AGBL4: variants seen among roughly 807,000 people sequenced by gnomAD.
The protein encoded by AGBL4 is AGBL carboxypeptidase 4.
A neutral mutation model predicts 66.4 loss-of-function variants in AGBL4; 58 were observed. That is an observed-to-expected ratio of 0.87 (90% CI 0.71 to 1.09). AGBL4 has a LOEUF of 1.09. Among genes scored for constraint, AGBL4 ranks in the 50% least tolerant of loss-of-function variants. The pLI is 0.00. For synonymous variants in AGBL4, 234 were observed against 222.9 expected (o/e 1.05, Z -0.44); for missense variants, 579 against 631.0 (o/e 0.92, Z 0.88).
At chr1:48,844,964 A>G (rs181569458) in intron 6 of AGBL4, among the ~76,000 whole-genome samples, 9 of 152,338 alleles carry the variant, frequency 5.9e-5, no homozygotes, top group Non-Finnish European at 7.3e-5. Flanking sequence ...ATCTCATGGT[A>G]AACAAACATA....
chr1:49,284,584 G>C (rs892251485), intron 3 of AGBL4, among the ~76,000 whole-genome samples: 5 of 152,186 alleles, frequency 3.3e-5, no homozygotes, highest in Non-Finnish European at 7.3e-5. Context: ...TGGCAAATTG[G>C]ATAAAGACTC....
chr1:49,776,471 C>T (rs1644200143), intron 2 of AGBL4, among the ~76,000 whole-genome samples: 1 of 152,056 alleles, frequency 6.6e-6, no homozygotes, highest in Admixed American at 6.5e-5. Flanking sequence ...TTCAGAGGCC[C>T]TTATATGATG....
At chr1:50,002,620 C>T (rs541345913) in intron 1 of AGBL4, among the ~76,000 whole-genome samples, 72 of 152,070 alleles carry the variant, frequency 4.7e-4, no homozygotes, top group African/African-American at 1.5e-3. Flanking sequence ...CCGCCCGCCT[C>T]GGCCTCCCAA....
chr1:49,645,972 C>T (rs995458752), intron 3 of AGBL4, among the ~76,000 whole-genome samples: 1 of 151,396 alleles, frequency 6.6e-6, no homozygotes, highest in Non-Finnish European at 1.5e-5. Context: ...CCATATCCAA[C>T]ATCAGTTCCT....
chr1:49,469,204 T>TA (rs1646690922), intron 3 of AGBL4, among the ~76,000 whole-genome samples: 1 of 151,928 alleles, frequency 6.6e-6, no homozygotes, highest in Non-Finnish European at 1.5e-5. Flanking sequence ...TATTGCCTAT[T>TA]TTATTGTTAA....
intron 6 of AGBL4, among the ~76,000 whole-genome samples, chr1:48,844,889 CTG>C (rs1320755594): frequency 1.3e-5 from 2 of 152,204 alleles, no homozygotes; most frequent in Non-Finnish European, 2.9e-5. Context: ...ATTTCAAGTC[CTG>C]TCCCTGCTTA....
At chr1:49,185,287 G>A (rs1646996015) in intron 4 of AGBL4, among the ~76,000 whole-genome samples, 1 of 152,210 alleles carries the variant, frequency 6.6e-6, no homozygotes, top group Non-Finnish European at 1.5e-5. Flanking sequence ...ATAGATGGCA[G>A]AAATGCCTTG....
chr1:49,101,188 C>CT lies in AGBL4; in HGVS notation c.378-55389dup, dbSNP rs921139596. Among the ~76,000 whole-genome samples the CT allele has an allele frequency of 7.4e-4, 106 of 143,962 alleles. 2 individuals are homozygous for CT. Among genetic ancestry groups the CT allele is most frequent in the East Asian group, 6.4e-3 (32 of 4,970 alleles). 94.4% of individuals were successfully genotyped at this position (143,962 alleles called of 152,430 possible). A position where few individuals can be genotyped will look rare whatever the true frequency, so the allele number is the denominator to read the frequency against. ...AATGACTTCTAAGGAACTTTTTATT[C>CT]TTTTTTTTTTTTTAATTGAGACAGA... On this transcript the variant is annotated intron_variant, in intron 4 of 13. Coordinates refer to ENST00000371839, the MANE Select transcript of AGBL4 (RefSeq NM_032785.4).
chr1:49,094,020 A>G (rs1645046653), intron 4 of AGBL4, among the ~76,000 whole-genome samples: 1 of 152,168 alleles, frequency 6.6e-6, no homozygotes, highest in Admixed American at 6.5e-5. Context: ...TGGATACAGA[A>G]AGTGTGACTT....
chr1:48,655,243 T>C (rs990444166), intron 7 of AGBL4, among the ~76,000 whole-genome samples: 2 of 152,186 alleles, frequency 1.3e-5, no homozygotes, highest in Non-Finnish European at 2.9e-5. Context: ...GACTCATCTG[T>C]TGGTTTGAGG....
At chr1:48,761,586 G>A in intron 6 of AGBL4, 1 of 1,111,112 alleles carries the variant, frequency 9.0e-7, no homozygotes, top group Admixed American at 2.7e-5. Context: ...CAGTTAAAAA[G>A]GAAAAACAAA....
At chr1:50,010,435 G>GA (rs1232470450) in intron 1 of AGBL4, among the ~76,000 whole-genome samples, 23 of 150,240 alleles carry the variant, frequency 1.5e-4, no homozygotes, top group Admixed American at 7.4e-4. Flanking sequence ...CACAGAAATA[G>GA]AAAAAATAAT....
chr1:49,082,399 A>G (rs1265179974), intron 4 of AGBL4, among the ~76,000 whole-genome samples: 1 of 152,074 alleles, frequency 6.6e-6, no homozygotes, highest in Non-Finnish European at 1.5e-5. Flanking sequence ...GGTTTAATGG[A>G]CTCACCGTTC....
intron 6 of AGBL4, among the ~76,000 whole-genome samples, chr1:48,862,690 C>G (rs1647600908): frequency 6.6e-6 from 1 of 152,182 alleles, no homozygotes; most frequent in South Asian, 2.1e-4. Flanking sequence ...AGTGACTGAA[C>G]CTGCATTTTG....
At chr1:49,546,272 T>C (rs1652474617) in intron 3 of AGBL4, among the ~76,000 whole-genome samples, 1 of 151,606 alleles carries the variant, frequency 6.6e-6, no homozygotes, top group South Asian at 2.1e-4. Context: ...TATATATGTG[T>C]ATATATATTC....
chr1:49,732,515 A>G lies in AGBL4; in HGVS notation c.158-35078T>C, dbSNP rs548908182. Among the ~76,000 whole-genome samples, 298 of 152,310 alleles carry G rather than the reference A, an allele frequency of 2.0e-3. 10 individuals carry two copies. In the South Asian group the frequency reaches 0.061, roughly 31 times the overall value. On this transcript the variant is annotated intron_variant, in intron 2 of 13. Transcript: ENST00000371839. ...ACTTCAAAGCATCTGTAAGAAAACT[A>G]TGTTTATGAAATAAATTATGATAAA...
intron 4 of AGBL4, among the ~76,000 whole-genome samples, chr1:49,175,780 C>G (rs1646819340): frequency 6.6e-6 from 1 of 152,086 alleles, no homozygotes; most frequent in Admixed American, 6.6e-5. Flanking sequence ...GTCCTAAGTT[C>G]AAATCAAGGT....
intron 4 of AGBL4, among the ~76,000 whole-genome samples, chr1:49,154,310 C>T (rs1055854174): frequency 6.6e-6 from 1 of 151,944 alleles, no homozygotes; most frequent in Non-Finnish European, 1.5e-5. Flanking sequence ...TTTACAGAGT[C>T]ATTAAGAGGA....
intron 6 of AGBL4, among the ~76,000 whole-genome samples, chr1:48,788,350 A>G (rs1029116235): frequency 1.3e-5 from 2 of 152,176 alleles, no homozygotes; most frequent in Non-Finnish European, 2.9e-5. Context: ...TTTTGGGTGA[A>G]GGATTTTCCT....
Sources: allele counts gnomAD v4.1 joint callset (sites outside exome capture counted in the v4.1 genomes callset), GRCh38; gene constraint gnomAD v4.1.1; transcripts MANE v1.5; gene names NCBI Gene and HGNC (gene_info 2026-07-23, HGNC 2026-07-21).